Variants in CCDC39 observed in about 807,000 individuals in gnomAD.
CCDC39 encodes the protein coiled-coil domain-containing protein 39.
A neutral mutation model predicts 121.0 loss-of-function variants in CCDC39; 113 were observed. That is an observed-to-expected ratio of 0.93 (90% CI 0.80 to 1.09). The LOEUF is 1.09. Among genes scored for constraint, CCDC39 ranks in the 50% least tolerant of loss-of-function variants. The pLI is 0.00. For missense variants in CCDC39, 1,063 were observed against 1,074.7 expected (o/e 0.99, Z 0.15); for synonymous variants, 349 against 352.2 (o/e 0.99, Z 0.10).
chr3:180,631,046 A>G (rs1717680030), intron 14 of CCDC39, among the ~76,000 whole-genome samples: 1 of 152,210 alleles, frequency 6.6e-6, no homozygotes, highest in African/African-American at 2.4e-5. Context: ...TGCATACCAA[A>G]GACACTTAGA....
chr3:180,669,812 T>C (rs895796968), intron 1 of CCDC39, among the ~76,000 whole-genome samples: 4 of 152,270 alleles, frequency 2.6e-5, no homozygotes, highest in African/African-American at 4.8e-5. Context: ...TCTTGACCAG[T>C]ATCTATAAAA....
At chr3:180,652,618 A>G (rs1711507487) in intron 7 of CCDC39, among the ~76,000 whole-genome samples, 1 of 152,156 alleles carries the variant, frequency 6.6e-6, no homozygotes, top group Admixed American at 6.5e-5. Flanking sequence ...GGATTTGAAA[A>G]ATCTCAAAAG....
intron 13 of CCDC39, among the ~76,000 whole-genome samples, chr3:180,635,579 G>T (rs1717805305): frequency 1.3e-5 from 2 of 152,202 alleles, no homozygotes; most frequent in Admixed American, 1.3e-4. Flanking sequence ...CTCTATGCAA[G>T]TCCAAAACCT....
At chr3:180,657,585 T>C (rs896734536) in intron 6 of CCDC39, among the ~76,000 whole-genome samples, 3 of 152,216 alleles carry the variant, frequency 2.0e-5, no homozygotes, top group African/African-American at 7.2e-5. Flanking sequence ...TGTGTACTCA[T>C]GTCTTGATAC....
At chr3:180,651,353 G>C (rs1418664162) in intron 9 of CCDC39, 48 bp downstream of exon 9, 1 of 1,473,946 alleles carries the variant, frequency 6.8e-7, no homozygotes, top group Non-Finnish European at 9.2e-7. Flanking sequence ...TTAATTCACT[G>C]TTGCTAAATT....
intron 13 of CCDC39, among the ~76,000 whole-genome samples, chr3:180,633,332 C>G (rs1717744601): frequency 6.6e-6 from 1 of 152,162 alleles, no homozygotes; most frequent in African/African-American, 2.4e-5. Flanking sequence ...AAGAACAGAC[C>G]TGACACATAA....
Position 180,647,206 on chromosome 3 carries a change from C to G in CCDC39, c.1400G>C (p.Arg467Pro). 1.9e-6 allele frequency: 3 copies of G among 1,609,044 alleles called. No homozygotes were observed. In the South Asian group the frequency reaches 3.3e-5, roughly 18 times the overall value. Residue 467 changes from arginine (R) to proline (P), a missense_variant, in exon 11 of 20, where the codon CGG becomes CCG. Arg to Pro is a moderately radical substitution (Grantham distance 103, BLOSUM62 -2). Coordinates refer to ENST00000476379, the MANE Select transcript of CCDC39 (RefSeq NM_181426.2). ...TTCTGAATTAATTTCTCCCTTTAAC[C>G]GTGACATTCTCCGTTCCACTTGTTG... ...HIQQVERRMSRLKGEINSEEK... is the reference protein window; with the variant it reads ...HIQQVERRMSPLKGEINSEEK...
At position 180,619,272 on chromosome 3, in the gene CCDC39, T is replaced by G; in HGVS notation, c.2252A>C (p.Gln751Pro). The change falls in exon 16 of 20, where the codon CAA becomes CCA. Residue 751 changes from glutamine to proline, a missense_variant. Transcript: ENST00000476379. ...RYKQRQIREL[Q>P]EDIQSMENTL... ...TGTAGAATTTACCTGGATGTCTTCT[T>G]GAAGTTCTCTGATTTGTCTTTGTTT... The G allele has an allele frequency of 1.3e-6, 2 of 1,526,416 alleles. No individual in the cohort carries two copies. The highest frequency in any genetic ancestry group is 1.8e-6 in the Non-Finnish European group (2 of 1,124,530). 94.6% of individuals were successfully genotyped at this position (1,526,416 alleles called of 1,614,324 possible).
At chr3:180,649,611 AAC>A (rs1718150675) in intron 9 of CCDC39, among the ~76,000 whole-genome samples, 1 of 152,206 alleles carries the variant, frequency 6.6e-6, no homozygotes, top group South Asian at 2.1e-4. Flanking sequence ...CGTGGTGAAT[AAC>A]ACAGTACATC....
intron 18 of CCDC39, 57 bp from the exon 19 acceptor site, chr3:180,616,420 A>G (rs1717244616): frequency 2.0e-6 from 3 of 1,521,898 alleles, no homozygotes; most frequent in African/African-American, 1.4e-5. Context: ...TAGAAGATAA[A>G]TATTTTTAAT....
At position 180,644,140 on chromosome 3, in the gene CCDC39, TA is replaced by T. The variant is rs863224531; in HGVS notation, c.1644del (p.Asp548GlufsTer10). 1.0e-5 allele frequency: 16 copies of T among 1,545,868 alleles called. No individual in the cohort carries two copies. Among genetic ancestry groups the T allele is most frequent in the Non-Finnish European group, 1.4e-5 (16 of 1,144,882 alleles). On this transcript the variant is annotated frameshift_variant, in exon 12 of 20. Transcript: ENST00000476379. LOFTEE classifies it high-confidence loss of function. ...TGCACCTGCTTAAAACCTTTGGCTT[TA>T]TCAAGTTCTTTCTCTGATCTGTCGA... ...LFIDRSEKEL[D>X]KAKGFKQDLM...
At chr3:180,619,143 C>T in intron 16 of CCDC39, 116 bp downstream of exon 16, 1 of 662,968 alleles carries the variant, frequency 1.5e-6, no homozygotes, top group African/African-American at 1.8e-5. Context: ...ATCTACTTCC[C>T]TAAAAGAGAT....
At chr3:180,634,576 A>G (rs1002328281) in intron 13 of CCDC39, among the ~76,000 whole-genome samples, 4 of 152,174 alleles carry the variant, frequency 2.6e-5, no homozygotes, top group Non-Finnish European at 5.9e-5. Flanking sequence ...TGGGAAAGAA[A>G]CATAAACCCT....
At chr3:180,670,766 G>A (rs1327810118) in intron 1 of CCDC39, among the ~76,000 whole-genome samples, 1 of 151,400 alleles carries the variant, frequency 6.6e-6, no homozygotes. Context: ...TATGGAGAAA[G>A]TGAAATATGA....
At chr3:180,651,344 T>C in intron 9 of CCDC39, 57 bp downstream of exon 9, 1 of 1,407,914 alleles carries the variant, frequency 7.1e-7, no homozygotes. Context: ...GGAGTCTAAT[T>C]AATTCACTGT....
intron 1 of CCDC39, among the ~76,000 whole-genome samples, chr3:180,674,722 A>C (rs1712144173): frequency 6.6e-6 from 1 of 152,186 alleles, no homozygotes; most frequent in South Asian, 2.1e-4. Flanking sequence ...CCTTTTCTGC[A>C]TCTATTGAGA....
Position 180,642,066 on chromosome 3 carries a change from C to A in CCDC39, c.1801G>T (p.Glu601Ter). The A allele has an allele frequency of 6.2e-7, 1 of 1,612,180 alleles. No individual in the cohort carries two copies. Among genetic ancestry groups the A allele is most frequent in the Non-Finnish European group, 8.5e-7 (1 of 1,178,766 alleles). ...ATTGTTTTATGAACCTTGATTTCTT[C>A]AGTTCGCTCTTCCATTGCTGTGTAT... ...QLYTAMEERT[E>*]EIKVHKTMLA... The change falls in exon 13 of 20, where the codon GAA (glutamate) becomes TAA (stop). Residue 601 changes from glutamate to a stop codon, truncating the protein, a stop_gained. Transcript: ENST00000476379. LOFTEE classifies it high-confidence loss of function.
At chr3:180,638,364 T>G (rs1717879655) in intron 13 of CCDC39, among the ~76,000 whole-genome samples, 1 of 152,146 alleles carries the variant, frequency 6.6e-6, no homozygotes, top group South Asian at 2.1e-4. Context: ...ATATATGTAT[T>G]AAACATGCAA....
intron 15 of CCDC39, 44 bp from the exon 16 acceptor site, chr3:180,619,409 G>A: frequency 2.1e-6 from 2 of 935,240 alleles, no homozygotes; most frequent in Non-Finnish European, 3.3e-6. Context: ...AACATACTAA[G>A]TAGAAATCAA....
Sources: gnomAD v4.1 joint callset for allele counts (sites outside exome capture counted in the v4.1 genomes callset) on GRCh38, gnomAD v4.1.1 for gene constraint, MANE v1.5 for transcripts, NCBI Gene and HGNC (gene_info 2026-07-23, HGNC 2026-07-21) for gene names.